Variants in KANK1 observed in about 807,000 individuals in gnomAD.
KANK1 encodes the protein KN motif and ankyrin repeat domain-containing protein 1.
KANK1 carries 109 observed loss-of-function variants against 106.2 expected under a neutral mutation model. The ratio of observed to expected loss-of-function variants is 1.03; its 90% CI spans 0.88 to 1.20. The LOEUF is 1.20. Among genes scored for constraint, KANK1 ranks in the 50% most tolerant of loss-of-function variants. The probability of loss-of-function intolerance (pLI) is 0.00; values close to 1 mark genes in which losing one functional copy is unlikely to be tolerated. For missense variants in KANK1, 2,399 were observed against 1,710.7 expected (o/e 1.40, Z -7.10); for synonymous variants, 873 against 652.2 (o/e 1.34, Z -5.16).
intron 1 of KANK1, among the ~76,000 whole-genome samples, chr9:512,153 C>G (rs2059057347): frequency 6.6e-6 from 1 of 152,080 alleles, no homozygotes. Flanking sequence ...AGCATGGTGG[C>G]TCCAGGTAGT....
intron 1 of KANK1, among the ~76,000 whole-genome samples, chr9:563,294 C>T (rs767050809): frequency 4.6e-5 from 7 of 151,956 alleles, no homozygotes; most frequent in Non-Finnish European, 8.8e-5. Context: ...ATCCCTAATA[C>T]GGCAACTTTG....
chr9:585,056 T>G (rs1320349213), intron 1 of KANK1, among the ~76,000 whole-genome samples: 1 of 152,228 alleles, frequency 6.6e-6, no homozygotes, highest in Admixed American at 6.5e-5. Context: ...CAGCATTTGA[T>G]GTGTTACTCA....
chr9:494,387 A>AAG (rs1323720935), intron 3 of KANK1, among the ~76,000 whole-genome samples: 1 of 152,178 alleles, frequency 6.6e-6, no homozygotes, highest in Non-Finnish European at 1.5e-5. Flanking sequence ...AATAGAGTAC[A>AAG]AGATTCTTAG....
Position 516,383 on chromosome 9 carries a change from C to G in KANK1, c.-84+11629C>G, listed in dbSNP as rs143417841. 6.6e-5 allele frequency among the ~76,000 whole-genome samples: 10 copies of G among 151,804 alleles called. No homozygotes were observed. In the East Asian group the frequency reaches 1.9e-3, roughly 29 times the overall value. ...GATTGCTTAATTCATCACAGTTTCT[C>G]AGCTCTGGCATGAAACAGTTGGGAG... On this transcript the variant is annotated intron_variant, in intron 1 of 11. Coordinates refer to ENST00000382297, the MANE Select transcript of KANK1 (RefSeq NM_015158.5).
intron 1 of KANK1, among the ~76,000 whole-genome samples, chr9:570,115 C>G (rs1272141127): frequency 6.6e-6 from 1 of 152,014 alleles, no homozygotes; most frequent in Non-Finnish European, 1.5e-5. Flanking sequence ...TCTGTGATGG[C>G]TTTGTTTTAA....
intron 2 of KANK1, among the ~76,000 whole-genome samples, chr9:699,444 G>A (rs987534783): frequency 1.3e-5 from 2 of 152,156 alleles, no homozygotes; most frequent in Non-Finnish European, 2.9e-5. Context: ...AGATGGAGCT[G>A]GTATGGAGAA....
intron 1 of KANK1, among the ~76,000 whole-genome samples, chr9:576,552 A>G (rs1163880858): frequency 6.6e-6 from 1 of 152,184 alleles, no homozygotes; most frequent in African/African-American, 2.4e-5. Flanking sequence ...TTGTAATCTC[A>G]GTCTTGAGAG....
intron 1 of KANK1, among the ~76,000 whole-genome samples, chr9:512,363 C>G (rs993548336): frequency 2.0e-5 from 3 of 152,010 alleles, no homozygotes; most frequent in Non-Finnish European, 4.4e-5. Flanking sequence ...CAAGGAGAGT[C>G]TAGAAGAAGA....
intron 3 of KANK1, among the ~76,000 whole-genome samples, chr9:490,312 C>T (rs2058356802): frequency 6.6e-6 from 1 of 152,084 alleles, no homozygotes; most frequent in Admixed American, 6.5e-5. Flanking sequence ...TCAAGACCAT[C>T]CTGGGCAACA....
chr9:519,705 T>A (rs2059458916), intron 1 of KANK1, among the ~76,000 whole-genome samples: 1 of 151,802 alleles, frequency 6.6e-6, no homozygotes, highest in Non-Finnish European at 1.5e-5. Context: ...ATCCTTGTTT[T>A]ATCCTCCATC....
chr9:703,277 T>C (rs10120659), intron 2 of KANK1, among the ~76,000 whole-genome samples: 27,191 of 150,690 alleles, frequency 0.18, 2,747 homozygotes, highest in Middle Eastern at 0.23. Flanking sequence ...CAGGCATGAG[T>C]CTCCACTCAT....
chr9:553,924 C>T (rs1249844733), intron 1 of KANK1, among the ~76,000 whole-genome samples: 5 of 152,264 alleles, frequency 3.3e-5, no homozygotes, highest in Non-Finnish European at 5.9e-5. Flanking sequence ...CAAACTTTAG[C>T]GTGCATTTGG....
At chr9:672,880 G>A (rs4740849) in intron 1 of KANK1, among the ~76,000 whole-genome samples, 16 of 151,992 alleles carry the variant, frequency 1.1e-4, no homozygotes, top group Non-Finnish European at 2.2e-4. Context: ...TTCCTAAATC[G>A]TTTCGCAGGA....
At position 711,984 on chromosome 9, in the gene KANK1, G is replaced by A. The variant is rs374875766; in HGVS notation, c.1218G>A (p.Glu406=). The A allele has an allele frequency of 1.2e-6, 2 of 1,614,194 alleles. No homozygotes were observed. The highest frequency in any genetic ancestry group is 1.7e-6 in the Non-Finnish European group (2 of 1,180,030). Residue 406 remains glutamate, a synonymous_variant, in exon 3 of 12, where the codon GAG becomes GAA. Coordinates refer to ENST00000382297, the MANE Select transcript of KANK1 (RefSeq NM_015158.5). The stretch of plus-strand genomic sequence containing the variant: ...GCCGGTCTGTGGCTGTGGGTGCCGA[G>A]GAGAACATGAACGACATCGTCGTGT... ...GECRSVAVGA[E]ENMNDIVVYH...
intron 1 of KANK1, among the ~76,000 whole-genome samples, chr9:608,797 C>G (rs952782599): frequency 6.6e-6 from 1 of 152,170 alleles, no homozygotes; most frequent in Non-Finnish European, 1.5e-5. Context: ...AACCTCCACC[C>G]CAGTTGATGG....
intron 2 of KANK1, among the ~76,000 whole-genome samples, chr9:696,239 A>C (rs1012449147): frequency 6.6e-5 from 10 of 151,246 alleles, no homozygotes; most frequent in Non-Finnish European, 1.2e-4. Flanking sequence ...AGCCGAGATC[A>C]CGCCACTGCA....
At chr9:642,274 G>A (rs137900980) in intron 1 of KANK1, among the ~76,000 whole-genome samples, 6 of 146,420 alleles carry the variant, frequency 4.1e-5, no homozygotes, top group East Asian at 1.9e-4. Flanking sequence ...AGAAAACTGC[G>A]TGGTTAAGTT....
chr9:743,137 G>A (rs554810687), intron 10 of KANK1, among the ~76,000 whole-genome samples: 2 of 152,342 alleles, frequency 1.3e-5, no homozygotes, highest in African/African-American at 4.8e-5. Flanking sequence ...GGTCACAGAG[G>A]TCGGGTTGGC....
At chr9:529,827 T>C (rs2059978113) in intron 1 of KANK1, among the ~76,000 whole-genome samples, 1 of 152,230 alleles carries the variant, frequency 6.6e-6, no homozygotes, top group African/African-American at 2.4e-5. Flanking sequence ...AATGCATATG[T>C]GCATTTGTAC....
Sources: gnomAD v4.1 joint callset for allele counts (sites outside exome capture counted in the v4.1 genomes callset) on GRCh38, gnomAD v4.1.1 for gene constraint, MANE v1.5 for transcripts, NCBI Gene and HGNC (gene_info 2026-07-23, HGNC 2026-07-21) for gene names.